The following SP3 variants were observed in gnomAD, a reference collection of about 807,000 sequenced individuals.
SP3 encodes transcription factor Sp3.
SP3 carries 10 observed loss-of-function variants against 70.3 expected under a neutral mutation model. That is an observed-to-expected ratio of 0.14 (90% CI 0.09 to 0.24). SP3 has a LOEUF of 0.24. Ranked by LOEUF, SP3 falls within the 10% of genes least tolerant of loss-of-function variation. The pLI is 1.00. For missense variants in SP3, 825 were observed against 914.6 expected (o/e 0.90, Z 1.26); for synonymous variants, 402 against 333.5 (o/e 1.21, Z -2.24).
chr2:173,913,982 A>C, intron 5 of SP3: 1 of 152,210 alleles, frequency 6.6e-6, no homozygotes, highest in East Asian at 1.9e-4. Context: ...AGTTTTCTCC[A>C]CATCACAAAA....
intron 4 of SP3, among the ~76,000 whole-genome samples, chr2:173,953,690 C>T (rs1289247068): frequency 6.6e-6 from 1 of 152,016 alleles, no homozygotes; most frequent in South Asian, 2.1e-4. Context: ...ATTGCTTGAA[C>T]CCAGAAGGCA....
intron 3 of SP3, among the ~76,000 whole-genome samples, chr2:173,962,427 T>G (rs559651636): frequency 1.3e-5 from 2 of 152,190 alleles, no homozygotes; most frequent in African/African-American, 4.8e-5. Context: ...ATACAGTTCA[T>G]AAAAAAATCT....
chr2:173,919,800 T>C (rs1344009098), intron 4 of SP3, among the ~76,000 whole-genome samples: 3 of 151,822 alleles, frequency 2.0e-5, no homozygotes, highest in Non-Finnish European at 4.4e-5. Flanking sequence ...CTTTCATCTG[T>C]ATCTTCTAAA....
chr2:173,937,900 G>A (rs1005160274), intron 4 of SP3, among the ~76,000 whole-genome samples: 1 of 151,962 alleles, frequency 6.6e-6, no homozygotes, highest in African/African-American at 2.4e-5. Context: ...CAAAGATAAA[G>A]AACTTACAAA....
rs183663635 is a variant in SP3, at chr2:173,911,172, T to C, written c.2030-915A>G. On this transcript the variant is annotated intron_variant, in intron 6 of 6. Transcript: ENST00000310015. Reference sequence around the variant, plus strand: ...TCCTAGTCTCTCTCTCTCTCCAGACTATCTTCCTTAAAGACCAAATTTTAT... The same window carrying C: ...TCCTAGTCTCTCTCTCTCTCCAGACCATCTTCCTTAAAGACCAAATTTTAT... Among the ~76,000 whole-genome samples the C allele has an allele frequency of 2.0e-5, 3 of 152,312 alleles. No homozygotes were observed. The East Asian group carries it at 5.8e-4, about 29-fold the overall frequency.
chr2:173,965,613 C>T (rs942989682), upstream of SP3: 3 of 207,730 alleles, frequency 1.4e-5, no homozygotes, highest in Admixed American at 1.2e-4. Context: ...CGCTGCCAGG[C>T]CCGAGGCGCA....
intron 5 of SP3, among the ~76,000 whole-genome samples, chr2:173,917,711 T>G (rs141893044): frequency 6.6e-6 from 1 of 152,054 alleles, no homozygotes; most frequent in South Asian, 2.1e-4. Flanking sequence ...GGCTTTAGAG[T>G]TCTATCCGTT....
chr2:173,964,092 C>G (rs1253297718), intron 2 of SP3: 1 of 350,420 alleles, frequency 2.9e-6, no homozygotes, highest in East Asian at 4.4e-5. Flanking sequence ...ACCCCGGCTC[C>G]CCGGTCCGCG....
In SP3 at chr2:173,910,004, G is replaced by C. The variant is rs1574394140; in HGVS notation, c.2283C>G (p.Ile761Met). The C allele has an allele frequency of 6.2e-7, 1 of 1,613,890 alleles. No individual in the cohort carries two copies. Among genetic ancestry groups the C allele is most frequent in the Non-Finnish European group, 8.5e-7 (1 of 1,179,854 alleles). ...GTAAAGGTATTTCAGTGTTGGTAAGGATATCTTGATTGCTGGTGGCGGAAG... is the reference window on the plus strand; with the variant it reads ...GTAAAGGTATTTCAGTGTTGGTAAGCATATCTTGATTGCTGGTGGCGGAAG... ...VNTSATSNQD[I>M]LTNTEIPLQL... The change falls in exon 7 of 7, where the codon ATC becomes ATG. Residue 761 changes from isoleucine to methionine, a missense_variant. Coordinates refer to ENST00000310015, the MANE Select transcript of SP3 (RefSeq NM_003111.5).
intron 6 of SP3, among the ~76,000 whole-genome samples, chr2:173,910,741 T>C (rs1689455835): frequency 6.6e-6 from 1 of 152,176 alleles, no homozygotes; most frequent in African/African-American, 2.4e-5. Flanking sequence ...ACCACAAGCT[T>C]GAGATCCAAA....
rs551661813 is a variant in SP3 at position 173,905,301 on chromosome 2, T to C, written c.*4640A>G. ...TTGGAAGGAGGTTACCATTTGAATC[T>C]CTACCGTTAAGTCAGGCACTATGCT... On this transcript the variant is annotated 3_prime_UTR_variant, in exon 7 of 7. Transcript: ENST00000310015. Among the ~76,000 whole-genome samples, 1 of 152,294 alleles carries C rather than the reference T, an allele frequency of 6.6e-6. No homozygotes were observed. Among genetic ancestry groups the C allele is most frequent in the African/African-American group, 2.4e-5 (1 of 41,550 alleles).
In SP3 at chr2:173,929,069, GTCCAGGCTCCCCTTGATACATGCT is replaced by G. The variant is rs1391663484; in HGVS notation, c.1640-10308_1640-10285del. Among the ~76,000 whole-genome samples the G allele has an allele frequency of 5.3e-5, 8 of 151,930 alleles. No individual in the cohort carries two copies. The East Asian group carries it at 1.3e-3, about 26-fold the overall frequency. On this transcript the variant is annotated intron_variant, in intron 4 of 6. Transcript: ENST00000310015. ...ATGTGATCATGACAGTGCCTCAGGA[GTCCAGGCTCCCCTTGATACATGCT>G]TCCAGGCTCCACTTGATACATGCTT...
In SP3 at chr2:173,901,012, A is replaced by G. The variant is rs1574388482; in HGVS notation, c.*8929T>C. Among the ~76,000 whole-genome samples the G allele has an allele frequency of 6.6e-6, 1 of 152,176 alleles. No homozygotes were observed. Among genetic ancestry groups the G allele is most frequent in the East Asian group, 1.9e-4 (1 of 5,194 alleles). On this transcript the variant is annotated 3_prime_UTR_variant, in exon 7 of 7. Transcript: ENST00000310015. ...GTCAAAACCATTTTGAAATACAGAG[A>G]AGGGTGGGCAGAGGAGACTTCCTTA...
rs181105549 is a variant in SP3, at chr2:173,963,142, A to G, written c.279+619T>C. ...TATCTAAGCAACTTGCTGATTTCAA[A>G]GGCTGCTAAATGTTTCATTTACCCC... On this transcript the variant is annotated intron_variant, in intron 3 of 6. Coordinates refer to ENST00000310015, the MANE Select transcript of SP3 (RefSeq NM_003111.5). 8.5e-5 allele frequency: 13 copies of G among 152,212 alleles called. No individual in the cohort carries two copies. In the East Asian group the frequency reaches 2.5e-3, roughly 29 times the overall value. The allele number at this position is 152,212 out of a possible 1,614,324, so 9.4% of individuals were successfully genotyped here.
chr2:173,910,644 T>C (rs1236927327), intron 6 of SP3, among the ~76,000 whole-genome samples: 4 of 152,198 alleles, frequency 2.6e-5, no homozygotes, highest in African/African-American at 4.8e-5. Flanking sequence ...ATAATTAAAA[T>C]ACTAACATGC....
intron 4 of SP3, among the ~76,000 whole-genome samples, chr2:173,945,314 C>G (rs1219533599): frequency 6.6e-6 from 1 of 152,152 alleles, no homozygotes; most frequent in African/African-American, 2.4e-5. Context: ...CCCACTACAT[C>G]AGAAGACTTG....
chr2:173,909,095 G>C lies in SP3; in HGVS notation c.*846C>G, dbSNP rs1259100307. On this transcript the variant is annotated 3_prime_UTR_variant, in exon 7 of 7. Transcript: ENST00000310015. ...GACATGGTTTTTGGAAACAAGATTG[G>C]ATAAAAATCACTGCTAAGACGCAAT... 1 of 152,456 alleles carries C rather than the reference G, an allele frequency of 6.6e-6. No homozygotes were observed. The highest frequency in any genetic ancestry group is 1.5e-5 in the Non-Finnish European group (1 of 67,938). 9.4% of individuals were successfully genotyped at this position (152,456 alleles called of 1,614,324 possible).
chr2:173,963,973 G>T (rs1388088867), intron 2 of SP3, 90 bp from the exon 3 acceptor site: 3 of 877,002 alleles, frequency 3.4e-6, no homozygotes, highest in Non-Finnish European at 4.8e-6. Context: ...AGTACGACTC[G>T]GTCCCCGCCG....
At chr2:173,912,981 T>C (rs1689532228) in intron 6 of SP3, 89 bp downstream of exon 6, 11 of 942,820 alleles carry the variant, frequency 1.2e-5, no homozygotes, top group Non-Finnish European at 1.5e-5. Flanking sequence ...ATCGATTCAG[T>C]TCAGTAAGGA....
Sources: allele counts gnomAD v4.1 joint callset (sites outside exome capture counted in the v4.1 genomes callset), GRCh38; gene constraint gnomAD v4.1.1; transcripts MANE v1.5; gene names NCBI Gene and HGNC (gene_info 2026-07-23, HGNC 2026-07-21).